SCP2: variants seen among roughly 807,000 people sequenced by gnomAD.
SCP2 encodes sterol carrier protein 2, also known as SCP-2/3-oxoacyl-CoA thiolase.
A neutral mutation model predicts 71.4 loss-of-function variants in SCP2; 48 were observed. The ratio of observed to expected loss-of-function variants is 0.67; its 90% confidence interval spans 0.53 to 0.86. The LOEUF is 0.86. Among genes scored for constraint, SCP2 ranks in the 40% least tolerant of loss-of-function variants. The probability of loss-of-function intolerance (pLI) is 0.00; values close to 1 mark genes in which losing one functional copy is unlikely to be tolerated. For synonymous variants in SCP2, 220 were observed against 218.1 expected (o/e 1.01, Z -0.08); for missense variants, 560 against 655.6 (o/e 0.85, Z 1.59).
chr1:53,037,863 A>G (rs2150260137), intron 13 of SCP2, among the ~76,000 whole-genome samples: 1 of 147,374 alleles, frequency 6.8e-6, no homozygotes, highest in East Asian at 2.0e-4. Flanking sequence ...CAACATAGGG[A>G]GATCCTGTCT....
chr1:53,037,904 A>ACACACACACACCCC lies in SCP2; in HGVS notation c.1339-1002_1339-1001insCCCCACACACACAC, dbSNP rs1311083453. ...TACACACACACACACACACACACACACACACACACACACACACACACACAC... is the reference window on the plus strand; with the variant it reads ...TACACACACACACACACACACACACACACACACACACCCCCACACACACACACACACACACACAC... On this transcript the variant is annotated intron_variant, in intron 13 of 15. Coordinates refer to ENST00000371514, the MANE Select transcript of SCP2 (RefSeq NM_002979.5). Among the ~76,000 whole-genome samples, 78 of 127,422 alleles carry ACACACACACACCCC rather than the reference A, an allele frequency of 6.1e-4. 1 individual carries two copies. Among genetic ancestry groups the ACACACACACACCCC allele is most frequent in the African/African-American group, 2.5e-3 (77 of 30,302 alleles). 83.6% of individuals were successfully genotyped at this position (127,422 alleles called of 152,430 possible).
chr1:53,040,998 A>T (rs17107720), intron 14 of SCP2, among the ~76,000 whole-genome samples: 2 of 152,162 alleles, frequency 1.3e-5, no homozygotes, highest in Non-Finnish European at 2.9e-5. Flanking sequence ...GCATCGAGTA[A>T]GCATTCAGTA....
At chr1:53,035,460 G>A in intron 13 of SCP2, among the ~76,000 whole-genome samples, 1 of 152,102 alleles carries the variant, frequency 6.6e-6, no homozygotes, top group East Asian at 1.9e-4. Flanking sequence ...ATTCGTGGAT[G>A]GGAAGACTTA....
At chr1:52,982,062 T>C (rs1159708866) in intron 10 of SCP2, among the ~76,000 whole-genome samples, 1 of 152,144 alleles carries the variant, frequency 6.6e-6, no homozygotes, top group East Asian at 1.9e-4. Context: ...TTTTTCTTCT[T>C]TGTTTATCCC....
chr1:52,960,971 T>G (rs963666485), intron 5 of SCP2, among the ~76,000 whole-genome samples: 1 of 151,702 alleles, frequency 6.6e-6, no homozygotes, highest in African/African-American at 2.4e-5. Flanking sequence ...AGGCTGGTCT[T>G]GAACTCCTGA....
intron 8 of SCP2, among the ~76,000 whole-genome samples, chr1:52,978,005 C>T (rs1658134131): frequency 6.6e-6 from 1 of 151,914 alleles, no homozygotes; most frequent in Non-Finnish European, 1.5e-5. Flanking sequence ...TCTTAGATTC[C>T]AAGTAGTGAT....
chr1:52,969,076 G>A (rs1657226300), intron 6 of SCP2, among the ~76,000 whole-genome samples: 2 of 151,408 alleles, frequency 1.3e-5, no homozygotes, highest in South Asian at 2.1e-4. Flanking sequence ...AGGAGGAAGG[G>A]GAAGGTTGGT....
At chr1:52,941,771 T>G in intron 1 of SCP2, 25 bp from the exon 2 acceptor site, 2 of 1,513,850 alleles carry the variant, frequency 1.3e-6, no homozygotes, top group Non-Finnish European at 1.8e-6. Flanking sequence ...TTGTTTGTAT[T>G]TATTATCTCT....
chr1:53,007,336 A>C (rs1486035757), intron 11 of SCP2, among the ~76,000 whole-genome samples: 1 of 152,190 alleles, frequency 6.6e-6, no homozygotes, highest in Non-Finnish European at 1.5e-5. Flanking sequence ...TCTTCTCAGC[A>C]CCACATCACA....
At position 52,995,348 on chromosome 1, in the gene SCP2, C is replaced by G. The variant is rs527711382; in HGVS notation, c.1081+7212C>G. On this transcript the variant is annotated intron_variant, in intron 11 of 15. Transcript: ENST00000371514. ...AATGAGGCCCTCTATGACATCTGCT[C>G]CCGCACTTTGAAGCTGACCACACCA... The G allele has an allele frequency of 1.8e-4, 87 of 475,790 alleles. 1 individual carries two copies. Among genetic ancestry groups the G allele is most frequent in the South Asian group, 1.5e-3 (84 of 57,678 alleles). 29.5% of individuals were successfully genotyped at this position (475,790 alleles called of 1,614,324 possible).
At chr1:52,976,205 A>T (rs1006597091) in intron 7 of SCP2, among the ~76,000 whole-genome samples, 2 of 152,026 alleles carry the variant, frequency 1.3e-5, no homozygotes, top group Admixed American at 6.6e-5. Context: ...CCATGTCCAG[A>T]TTTTTTACTG....
chr1:52,982,231 C>T (rs1440664999), intron 10 of SCP2, among the ~76,000 whole-genome samples: 1 of 152,068 alleles, frequency 6.6e-6, no homozygotes, highest in Non-Finnish European at 1.5e-5. Context: ...TTGTAACAAC[C>T]ATAAAATGTC....
intron 10 of SCP2, among the ~76,000 whole-genome samples, chr1:52,985,213 CT>C (rs1658882721): frequency 6.6e-6 from 1 of 152,184 alleles, no homozygotes; most frequent in Non-Finnish European, 1.5e-5. Context: ...AAGAATCCAG[CT>C]GCCTACTTTT....
intron 11 of SCP2, among the ~76,000 whole-genome samples, chr1:53,007,441 T>C (rs1029539831): frequency 1.3e-5 from 2 of 152,200 alleles, no homozygotes; most frequent in Non-Finnish European, 2.9e-5. Context: ...CAGACCATAG[T>C]GCAATCAAAC....
intron 11 of SCP2, among the ~76,000 whole-genome samples, chr1:53,007,100 A>G (rs955052422): frequency 6.6e-6 from 1 of 152,192 alleles, no homozygotes; most frequent in African/African-American, 2.4e-5. Flanking sequence ...ATATATATTC[A>G]CCCAATACAG....
intron 14 of SCP2, among the ~76,000 whole-genome samples, chr1:53,045,159 C>A (rs7552336): frequency 0.11 from 17,343 of 152,110 alleles, 1,790 homozygotes; most frequent in African/African-American, 0.28. Context: ...AGTACACCTC[C>A]AAGGTCAAGA....
intron 11 of SCP2, chr1:52,993,560 C>T (rs1045376117): frequency 1.9e-6 from 3 of 1,612,188 alleles, no homozygotes; most frequent in Non-Finnish European, 1.7e-6. Context: ...CTCGCCAGTC[C>T]TCATATACTG....
At chr1:52,939,328 T>C (rs950994968) in intron 1 of SCP2, among the ~76,000 whole-genome samples, 6 of 152,280 alleles carry the variant, frequency 3.9e-5, no homozygotes, top group African/African-American at 1.4e-4. Context: ...GGAGGATTGC[T>C]TGAGCCCCGG....
At chr1:52,969,835 A>ACAAG (rs1213235516) in intron 6 of SCP2, among the ~76,000 whole-genome samples, 1 of 151,788 alleles carries the variant, frequency 6.6e-6, no homozygotes, top group African/African-American at 2.4e-5. Context: ...AAACAAACAA[A>ACAAG]CAAACAAACA....
Sources: gnomAD v4.1 joint callset for allele counts (sites outside exome capture counted in the v4.1 genomes callset) on GRCh38, gnomAD v4.1.1 for gene constraint, MANE v1.5 for transcripts, NCBI Gene and HGNC (gene_info 2026-07-23, HGNC 2026-07-21) for gene names.